TCN2: variants seen among roughly 807,000 people sequenced by gnomAD.
TCN2 encodes transcobalamin 2, also known as transcobalamin-2.
A neutral mutation model predicts 48.6 loss-of-function variants in TCN2; 34 were observed. That is an observed-to-expected ratio of 0.70 (90% CI 0.53 to 0.93). The LOEUF is 0.93. Ranked by LOEUF, TCN2 falls within the 40% of genes least tolerant of loss-of-function variation. TCN2 has a pLI of 0.00. For missense variants in TCN2, 652 were observed against 526.1 expected, an observed-to-expected ratio of 1.24 and a Z score of -2.34; for synonymous variants, 283 against 212.5, an observed-to-expected ratio of 1.33 and a Z score of -2.89.
chr22:30,616,491 A>G (rs913439094), intron 6 of TCN2, among the ~76,000 whole-genome samples: 4 of 147,660 alleles, frequency 2.7e-5, no homozygotes, highest in African/African-American at 1.1e-4. Flanking sequence ...ATGTCTCAAA[A>G]AAAAAAAAAA....
intron 3 of TCN2, 64 bp downstream of exon 3, chr22:30,613,106 C>T: frequency 1.3e-6 from 2 of 1,579,628 alleles, no homozygotes; most frequent in Admixed American, 3.6e-5. Context: ...TGATATTCTC[C>T]AATGAGAATC....
chr22:30,615,551 C>A (rs766428881), intron 5 of TCN2, 50 bp from the exon 6 acceptor site: 1 of 1,613,762 alleles, frequency 6.2e-7, no homozygotes, highest in Admixed American at 1.7e-5. Flanking sequence ...GAACACCTAG[C>A]CCCTCCCTGC....
At chr22:30,618,853 T>C (rs2087654801) in intron 7 of TCN2, among the ~76,000 whole-genome samples, 1 of 152,182 alleles carries the variant, frequency 6.6e-6, no homozygotes, top group Non-Finnish European at 1.5e-5. Context: ...CATGGCAGCA[T>C]CTACCTCCCA....
chr22:30,617,396 T>G lies in TCN2; in HGVS notation c.1007T>G (p.Val336Gly), dbSNP rs890166383. 3 of 1,613,890 alleles carry G rather than the reference T, an allele frequency of 1.9e-6. No homozygotes were observed. The Admixed American group carries it at 5.0e-5, about 27-fold the overall frequency. Residue 336 changes from valine (V) to glycine (G), a missense_variant, in exon 7 of 9, where the codon GTG becomes GGG. Transcript: ENST00000215838. ...TQEIISVTLQ[V>G]LSLLPPYRQS... ...GAGATCATCAGTGTCACGCTGCAGG[T>G]GCTTAGTCTCTTGCCGCCGTACAGA...
Position 30,626,643 on chromosome 22 carries a change from G to C in TCN2, c.*122G>C, listed in dbSNP as rs1455267214. On this transcript the variant is annotated 3_prime_UTR_variant, in exon 9 of 9. Coordinates refer to ENST00000215838, the MANE Select transcript of TCN2 (RefSeq NM_000355.4). ...CCACCTCCTGTGCACTTTGAGCAAT[G>C]CCCCCTGGGATCACCCCAGCCACAA... 37 of 1,117,762 alleles carry C rather than the reference G, an allele frequency of 3.3e-5. No homozygotes were observed. Among genetic ancestry groups the C allele is most frequent in the Non-Finnish European group, 4.9e-5 (37 of 751,322 alleles). The allele number at this position is 1,117,762 out of a possible 1,614,324, so 69.2% of individuals were successfully genotyped here. A position where few individuals can be genotyped will look rare whatever the true frequency, so the allele number is the denominator to read the frequency against.
At chr22:30,624,496 T>C (rs2087773575) in intron 8 of TCN2, among the ~76,000 whole-genome samples, 1 of 152,112 alleles carries the variant, frequency 6.6e-6, no homozygotes, top group Non-Finnish European at 1.5e-5. Context: ...CGAGTGCTTA[T>C]AGAGAAGGTG....
chr22:30,624,037 C>CATATATACACACATATATATGTATAT (rs2087764038), intron 8 of TCN2, among the ~76,000 whole-genome samples: 1 of 43,016 alleles, frequency 2.3e-5, no homozygotes, highest in Non-Finnish European at 4.0e-5. Flanking sequence ...TATATGTATA[C>CATATATACACACATATATATGTATAT]ATATATACAC....
In TCN2 at chr22:30,611,305, A is replaced by G. The variant is rs9619126; in HGVS notation, c.257+242A>G. Among the ~76,000 whole-genome samples, 4,093 of 152,278 alleles carry G rather than the reference A, an allele frequency of 0.027. 76 individuals are homozygous for G. Among genetic ancestry groups the G allele is most frequent in the African/African-American group, 0.046 (1,925 of 41,528 alleles). On this transcript the variant is annotated intron_variant, in intron 2 of 8. Coordinates refer to ENST00000215838, the MANE Select transcript of TCN2 (RefSeq NM_000355.4). ...CATGTGTCTGAGGCAGACATAACTA[A>G]TCCGTGACTATACTCTTTGATGATG...
intron 7 of TCN2, chr22:30,617,794 C>T: frequency 2.2e-6 from 1 of 449,830 alleles, no homozygotes; most frequent in African/African-American, 2.0e-5. Context: ...AGTTGTGCCC[C>T]TTCCCTGCAG....
intron 7 of TCN2, among the ~76,000 whole-genome samples, chr22:30,618,300 C>CT (rs2087644989): frequency 2.6e-5 from 4 of 151,024 alleles, no homozygotes; most frequent in Admixed American, 2.6e-4. Context: ...GAGTCTCACT[C>CT]TATTACCCAG....
intron 1 of TCN2, among the ~76,000 whole-genome samples, chr22:30,609,001 G>A (rs117324970): frequency 0.021 from 3,180 of 152,152 alleles, 45 homozygotes; most frequent in Admixed American, 0.032. Context: ...GGCTAAGAAT[G>A]CTCCCCTGCC....
chr22:30,620,467 TC>T (rs1253664895), intron 7 of TCN2, among the ~76,000 whole-genome samples: 1 of 152,258 alleles, frequency 6.6e-6, no homozygotes, highest in African/African-American at 2.4e-5. Context: ...GCCTGGGCAC[TC>T]CTGGCCTGGC....
chr22:30,614,487 G>A lies in TCN2; in HGVS notation c.566G>A (p.Gly189Asp), dbSNP rs777945731. 12 of 1,614,050 alleles carry A rather than the reference G, an allele frequency of 7.4e-6. No individual in the cohort carries two copies. The South Asian group carries it at 8.8e-5, about 12-fold the overall frequency. ...LLYAVEPFHQ[G>D]HHSVDTAAMA... ...TATGCTGTGGAACCTTTCCACCAGG[G>A]CCACCATTCTGTGGGTGAGTAGGTC... Residue 189 changes from glycine to aspartate, a missense_variant, in exon 4 of 9, where the codon GGC becomes GAC. Gly to Asp is a moderately conservative substitution (Grantham distance 94). Coordinates refer to ENST00000215838, the MANE Select transcript of TCN2 (RefSeq NM_000355.4).
chr22:30,613,593 G>A (rs1602046612), intron 3 of TCN2, among the ~76,000 whole-genome samples: 1 of 152,072 alleles, frequency 6.6e-6, no homozygotes, highest in Non-Finnish European at 1.5e-5. Context: ...GACAAGCCTT[G>A]TATTGGCTAG....
At chr22:30,613,082 G>A (rs376565389) in intron 3 of TCN2, 40 bp downstream of exon 3, 53 of 1,609,640 alleles carry the variant, frequency 3.3e-5, no homozygotes, top group South Asian at 2.7e-4. Flanking sequence ...GAGCAGCTGG[G>A]AGGGCTCATC....
chr22:30,625,196 C>T (rs967390600), intron 8 of TCN2, among the ~76,000 whole-genome samples: 1 of 152,102 alleles, frequency 6.6e-6, no homozygotes, highest in Non-Finnish European at 1.5e-5. Context: ...TCAGCCTGGG[C>T]AACAAGAGTG....
chr22:30,623,437 C>G (rs892683153), intron 8 of TCN2: 4 of 213,312 alleles, frequency 1.9e-5, no homozygotes, highest in Non-Finnish European at 1.9e-5. Flanking sequence ...GCTGCAACCT[C>G]CGCCTCCTGG....
At chr22:30,612,410 G>T (rs1019015355) in intron 2 of TCN2, among the ~76,000 whole-genome samples, 1 of 151,922 alleles carries the variant, frequency 6.6e-6, no homozygotes, top group Non-Finnish European at 1.5e-5. Context: ...ATTAGCCAAG[G>T]GTGGTGGTGG....
intron 1 of TCN2, chr22:30,610,277 G>T (rs185673810): frequency 6.2e-5 from 29 of 471,190 alleles, no homozygotes; most frequent in Non-Finnish European, 1.1e-4. Flanking sequence ...CATGGAGGAA[G>T]TTCACCAGGC....
Sources: allele counts gnomAD v4.1 joint callset (sites outside exome capture counted in the v4.1 genomes callset), GRCh38; gene constraint gnomAD v4.1.1; transcripts MANE v1.5; gene names NCBI Gene and HGNC (gene_info 2026-07-23, HGNC 2026-07-21).